TTBK1: variants seen among roughly 807,000 people sequenced by gnomAD.
TTBK1 encodes tau-tubulin kinase 1.
Under a neutral mutation model 108.5 loss-of-function variants are expected in TTBK1, and 34 were observed. The observed-to-expected ratio is 0.31, with a 90% confidence interval of 0.24 to 0.42. The LOEUF (loss-of-function observed/expected upper bound fraction) is 0.42, where lower values mean the gene tolerates loss of function less well. Among genes scored for constraint, TTBK1 ranks in the 10% least tolerant of loss-of-function variants. The pLI, the probability that TTBK1 is intolerant of heterozygous loss-of-function variation, is 1.00. For missense variants in TTBK1, 1,539 were observed against 1,826.0 expected, an observed-to-expected ratio of 0.84 and a Z score of 2.86; for synonymous variants, 809 against 795.1, an observed-to-expected ratio of 1.02 and a Z score of -0.29.
chr6:43,246,680 C>G lies in TTBK1; in HGVS notation c.20C>G (p.Ala7Gly). 6.2e-7 allele frequency: 1 copy of G among 1,609,944 alleles called. No homozygotes were observed. The highest frequency in any genetic ancestry group is 8.5e-7 in the Non-Finnish European group (1 of 1,178,158). The change falls in exon 2 of 15, where the codon GCC (alanine) becomes GGC (glycine). Residue 7 changes from alanine to glycine, a missense_variant. By Grantham distance (60) the Ala-to-Gly change is moderately conservative. This residue lies in a region of TTBK1 where 45 missense variants were observed against 38.0 expected (regional missense o/e 1.19). Coordinates refer to ENST00000259750, the MANE Select transcript of TTBK1 (RefSeq NM_032538.3). ...TGGCGGATGCAGTGCCTAGCGGCCG[C>G]CCTTAAGGACGAAACCAACATGAGT... MQCLAA[A>G]LKDETNMSGG...
intron 13 of TTBK1, among the ~76,000 whole-genome samples, chr6:43,268,145 GC>G (rs1309183384): frequency 6.6e-6 from 1 of 152,234 alleles, no homozygotes; most frequent in Non-Finnish European, 1.5e-5. Context: ...AAGGGCAAGA[GC>G]CCTCTGGGAT....
intron 6 of TTBK1, 50 bp from the exon 7 acceptor site, chr6:43,254,999 C>T: frequency 6.4e-7 from 1 of 1,570,842 alleles, no homozygotes; most frequent in Non-Finnish European, 8.8e-7. Context: ...TGAGAGGTGG[C>T]TGAGGTGAGG....
At chr6:43,245,933 T>C (rs1298913050) in intron 1 of TTBK1, among the ~76,000 whole-genome samples, 1 of 152,114 alleles carries the variant, frequency 6.6e-6, no homozygotes, top group Non-Finnish European at 1.5e-5. Flanking sequence ...ATGTCTTGAG[T>C]CCATCACCTG....
In TTBK1 at chr6:43,283,809, G is replaced by T. The variant is rs1306670148; in HGVS notation, c.3069G>T (p.Gly1023=). ...CCAATGGCCCGGCCCTTGCAGACGGGCCAGCCCCGGTGTCCCCGCTGGAGC... is the reference window on the plus strand; with the variant it reads ...CCAATGGCCCGGCCCTTGCAGACGGTCCAGCCCCGGTGTCCCCGCTGGAGC... ...SLPNGPALAD[G]PAPVSPLEPS... Residue 1023 remains glycine (G), a synonymous_variant, in exon 14 of 15, where the codon GGG becomes GGT. Transcript: ENST00000259750. This position sits in a 1 kb window ranked among gnomAD's most constrained non-coding sequence, Gnocchi z 8.1. The T allele has an allele frequency of 1.3e-6, 2 of 1,591,566 alleles. No individual in the cohort carries two copies.
Position 43,259,622 on chromosome 6 carries a change from G to A in TTBK1, c.1340G>A (p.Arg447His), listed in dbSNP as rs146561671. ...CCAGACTCCCCCACAACCCCAGTCC[G>A]TTCTCTGCGCTACCGGAGGGTGAAC... is the stretch of plus-strand genomic sequence containing the variant. ...APPDSPTTPV[R>H]SLRYRRVNSP... Residue 447 changes from arginine (R) to histidine (H), a missense_variant, in exon 12 of 15, where the codon CGT becomes CAT. Coordinates refer to ENST00000259750, the MANE Select transcript of TTBK1 (RefSeq NM_032538.3). This position sits in a 1 kb window ranked among gnomAD's most constrained non-coding sequence, Gnocchi z 6.7. The A allele has an allele frequency of 5.6e-5, 90 of 1,611,408 alleles. No homozygotes were observed. Among genetic ancestry groups the A allele is most frequent in the African/African-American group, 5.3e-4 (40 of 75,004 alleles).
Position 43,287,062 on chromosome 6 carries a change from C to G in TTBK1, c.*1686C>G, listed in dbSNP as rs1420242006. ...GAGTCAGCAGCTTGGGCAGCCACTT[C>G]CAGGCCAGGGTGGTGGCTTCTCTGC... On this transcript the variant is annotated 3_prime_UTR_variant, in exon 15 of 15. Coordinates refer to ENST00000259750, the MANE Select transcript of TTBK1 (RefSeq NM_032538.3). The surrounding 1 kb of genome is among the most constrained non-coding windows in gnomAD (Gnocchi z 4.1). 6.5e-6 allele frequency: 1 copy of G among 152,688 alleles called. No homozygotes were observed. Among genetic ancestry groups the G allele is most frequent in the Admixed American group, 6.5e-5 (1 of 15,290 alleles). 9.5% of individuals were successfully genotyped at this position (152,688 alleles called of 1,614,324 possible). A position where few individuals can be genotyped will look rare whatever the true frequency, so the allele number is the denominator to read the frequency against.
At chr6:43,270,223 G>A (rs1307823119) in intron 13 of TTBK1, 7 of 1,272,670 alleles carry the variant, frequency 5.5e-6, no homozygotes, top group South Asian at 2.5e-5. Context: ...TTCCAGGACA[G>A]GGCAGGGGCG....
Position 43,269,749 on chromosome 6 carries a change from C to T in TTBK1, c.1986+6399C>T, listed in dbSNP as rs778532286. 1 of 1,605,736 alleles carries T rather than the reference C, an allele frequency of 6.2e-7. No homozygotes were observed. The highest frequency in any genetic ancestry group is 1.1e-5 in the South Asian group (1 of 90,620). ...TCCACGCTGGAGACGGAGCATTACCCTCACCCCGGCGGCGGCGGCTCCTCG... is the reference window on the plus strand; with the variant it reads ...TCCACGCTGGAGACGGAGCATTACCTTCACCCCGGCGGCGGCGGCTCCTCG... On this transcript the variant is annotated intron_variant, in intron 13 of 14. Transcript: ENST00000259750. This position sits in a 1 kb window ranked among gnomAD's most constrained non-coding sequence, Gnocchi z 4.8.
At chr6:43,261,780 A>G (rs1777545396) in intron 12 of TTBK1, among the ~76,000 whole-genome samples, 1 of 143,852 alleles carries the variant, frequency 7.0e-6, no homozygotes, top group South Asian at 2.3e-4. Flanking sequence ...ATGCTACTGC[A>G]TTCCAGTCTG....
rs1200639777 is a variant in TTBK1 at position 43,285,077 on chromosome 6, G to GCCGGAGCCAGGCCC, written c.3670_3683dup (p.Ala1229GlufsTer159). 1 of 1,492,140 alleles carries GCCGGAGCCAGGCCC rather than the reference G, an allele frequency of 6.7e-7. No homozygotes were observed. Among genetic ancestry groups the GCCGGAGCCAGGCCC allele is most frequent in the African/African-American group, 1.5e-5 (1 of 68,540 alleles). The allele number at this position is 1,492,140 out of a possible 1,614,324, so 92.4% of individuals were successfully genotyped here. On this transcript the variant is annotated frameshift_variant, in exon 15 of 15. Coordinates refer to ENST00000259750, the MANE Select transcript of TTBK1 (RefSeq NM_032538.3). LOFTEE classifies it high-confidence loss of function. The surrounding 1 kb of genome is among the most constrained non-coding windows in gnomAD (Gnocchi z 4.7). The stretch of plus-strand genomic sequence containing the variant: ...CGGCCTGGGCCCAGGGCGAGCCCAA[G>GCCGGAGCCAGGCCC]CCGGAGCCAGGCCCCCAGCGCCGCG...
At chr6:43,275,269 C>T (rs1777940463) in intron 13 of TTBK1, among the ~76,000 whole-genome samples, 1 of 151,894 alleles carries the variant, frequency 6.6e-6, no homozygotes, top group Non-Finnish European at 1.5e-5. Flanking sequence ...CAGCGCCCCG[C>T]GGCGCCCTGC....
chr6:43,244,284 T>G (rs953712076), intron 1 of TTBK1, among the ~76,000 whole-genome samples: 1 of 151,042 alleles, frequency 6.6e-6, no homozygotes, highest in African/African-American at 2.4e-5. Context: ...CTCCATCACC[T>G]CTCCTTACCT....
At chr6:43,274,233 A>G (rs940198851) in intron 13 of TTBK1, among the ~76,000 whole-genome samples, 2 of 152,178 alleles carry the variant, frequency 1.3e-5, no homozygotes, top group Non-Finnish European at 2.9e-5. Flanking sequence ...CCTGAACCCA[A>G]CGATATCCCT....
At chr6:43,248,677 C>T (rs376473421) in intron 2 of TTBK1, among the ~76,000 whole-genome samples, 10 of 152,160 alleles carry the variant, frequency 6.6e-5, no homozygotes, top group African/African-American at 2.2e-4. Context: ...GAACTGAGAT[C>T]ATGCCATTGC....
chr6:43,276,669 G>A lies in TTBK1; in HGVS notation c.1987-6058G>A, dbSNP rs1463763831. Among the ~76,000 whole-genome samples, 1 of 152,242 alleles carries A rather than the reference G, an allele frequency of 6.6e-6. No homozygotes were observed. The highest frequency in any genetic ancestry group is 1.5e-5 in the Non-Finnish European group (1 of 68,046). On this transcript the variant is annotated intron_variant, in intron 13 of 14. Transcript: ENST00000259750. The surrounding 1 kb of genome is among the most constrained non-coding windows in gnomAD (Gnocchi z 5.4). ...TTAAAGACGCCTTCCAGGAACCTGC[G>A]CCTCCGCCTGCTTTCTTTCACCCTC...
rs1778351112 is a variant in TTBK1, at chr6:43,285,473, C to T, written c.*97C>T. Reference sequence around the variant, plus strand: ...AGCTCCCAGCACAGCCTTACGCGCCCGACGCGCGCCACCCGCGGCCCCAGC... The same window carrying T: ...AGCTCCCAGCACAGCCTTACGCGCCTGACGCGCGCCACCCGCGGCCCCAGC... On this transcript the variant is annotated 3_prime_UTR_variant, in exon 15 of 15. Transcript: ENST00000259750. This position sits in a 1 kb window ranked among gnomAD's most constrained non-coding sequence, Gnocchi z 4.7. The T allele has an allele frequency of 2.5e-6, 3 of 1,223,016 alleles. No individual in the cohort carries two copies. The highest frequency in any genetic ancestry group is 8.4e-5 in the South Asian group (2 of 23,930). The allele number at this position is 1,223,016 out of a possible 1,614,324, so 75.8% of individuals were successfully genotyped here. A position where few individuals can be genotyped will look rare whatever the true frequency, so the allele number is the denominator to read the frequency against.
chr6:43,245,813 T>C (rs1301711618), intron 1 of TTBK1, among the ~76,000 whole-genome samples: 1 of 152,194 alleles, frequency 6.6e-6, no homozygotes, highest in Non-Finnish European at 1.5e-5. Context: ...TGCTGTTCTC[T>C]TTCACTTCTC....
In TTBK1 at chr6:43,283,690, G is replaced by A. The variant is rs201117893; in HGVS notation, c.2950G>A (p.Ala984Thr). The change falls in exon 14 of 15, where the codon GCC (alanine) becomes ACC (threonine). Residue 984 changes from alanine to threonine, a missense_variant. This residue lies in a region of TTBK1 where 1,055 missense variants were observed against 1,086.5 expected (regional missense o/e 0.97). Coordinates refer to ENST00000259750, the MANE Select transcript of TTBK1 (RefSeq NM_032538.3). This position sits in a 1 kb window ranked among gnomAD's most constrained non-coding sequence, Gnocchi z 8.1. ...CCGAGCGCCCCTGGAGAACGGCCTC[G>A]CCCTGTCAGGGCTGAATGGGGCTGA... ...GARAPLENGL[A>T]LSGLNGAEIE... 1.0e-4 allele frequency: 166 copies of A among 1,613,988 alleles called. 1 individual carries two copies. The highest frequency in any genetic ancestry group is 7.1e-4 in the African/African-American group (53 of 75,032).
rs1165109559 is a variant in TTBK1 at position 43,276,813 on chromosome 6, G to A, written c.1987-5914G>A. On this transcript the variant is annotated intron_variant, in intron 13 of 14. Transcript: ENST00000259750. This position sits in a 1 kb window ranked among gnomAD's most constrained non-coding sequence, Gnocchi z 5.4. ...TGAGGGGTGGGCAAGTTCTGGGTCA[G>A]TGGATGAGCTTCGTCCACACCTTAG... Among the ~76,000 whole-genome samples, 1 of 152,098 alleles carries A rather than the reference G, an allele frequency of 6.6e-6. No homozygotes were observed. Among genetic ancestry groups the A allele is most frequent in the East Asian group, 1.9e-4 (1 of 5,172 alleles).
Sources: gnomAD v4.1 joint callset for allele counts (sites outside exome capture counted in the v4.1 genomes callset) on GRCh38, gnomAD v4.1.1 for gene constraint, gnomAD v4.1.1 regional missense constraint, Gnocchi (gnomAD v3.1) non-coding constraint, MANE v1.5 for transcripts, NCBI Gene and HGNC (gene_info 2026-07-23, HGNC 2026-07-21) for gene names.